Variants in COL2A1 observed in about 807,000 individuals in gnomAD.
The protein encoded by COL2A1 is collagen alpha-1(II) chain.
COL2A1 carries 28 observed loss-of-function variants against 204.5 expected under a neutral mutation model. The observed-to-expected ratio is 0.14, with a 90% CI of 0.10 to 0.19. The LOEUF is 0.19. Among genes scored for constraint, COL2A1 ranks in the 10% least tolerant of loss-of-function variants. The pLI is 1.00. For missense variants in COL2A1, 1,388 were observed against 2,027.5 expected, an observed-to-expected ratio of 0.68 and a Z score of 6.06; for synonymous variants, 708 against 718.7, an observed-to-expected ratio of 0.99 and a Z score of 0.24.
At position 47,976,619 on chromosome 12, in the gene COL2A1, T is replaced by C. The variant is rs369677029; in HGVS notation, c.3436-52A>G. 2 of 1,583,246 alleles carry C rather than the reference T, an allele frequency of 1.3e-6. No homozygotes were observed. Among genetic ancestry groups the C allele is most frequent in the African/African-American group, 1.3e-5 (1 of 74,262 alleles). On this transcript the variant is annotated intron_variant, in intron 48 of 53. Coordinates refer to ENST00000380518, the MANE Select transcript of COL2A1 (RefSeq NM_001844.5). This position sits in a 1 kb window ranked among gnomAD's most constrained non-coding sequence, Gnocchi z 4.3. ...CACGGTCAGCACAGACATATCTATC[T>C]ATATTCTGGGAGCTGGGGGAACAGC...
chr12:48,004,202 A>C (rs979575910), intron 1 of COL2A1, 35 bp downstream of exon 1: 1 of 1,446,528 alleles, frequency 6.9e-7, no homozygotes, highest in East Asian at 2.5e-5. Flanking sequence ...ACGCATGGAA[A>C]GCAGGCAGGC....
rs1938868907 is a variant in COL2A1, at chr12:47,978,679, G to A, written c.2813C>T (p.Pro938Leu). Reference sequence around the variant, plus strand: ...GAGGCCGGGTTCACCAGCTCGGCCAGGGGGGCCGCTGTCTCCTCGAGCACC... The same window carrying A: ...GAGGCCGGGTTCACCAGCTCGGCCAAGGGGGCCGCTGTCTCCTCGAGCACC... ...PKGARGDSGP[P>L]GRAGEPGLQG... The change falls in exon 42 of 54, where the codon CCT becomes CTT. Residue 938 changes from proline (P) to leucine (L), a missense_variant. Pro to Leu is a moderately conservative substitution (Grantham distance 98). Coordinates refer to ENST00000380518, the MANE Select transcript of COL2A1 (RefSeq NM_001844.5). The surrounding 1 kb of genome is among the most constrained non-coding windows in gnomAD (Gnocchi z 5.5). The A allele has an allele frequency of 6.2e-7, 1 of 1,613,148 alleles. No homozygotes were observed.
rs1938697832 is a variant in COL2A1 at position 47,976,175 on chromosome 12, C to CCCCAGT, written c.3490-111_3490-106dup. 1 of 831,856 alleles carries CCCCAGT rather than the reference C, an allele frequency of 1.2e-6. No individual in the cohort carries two copies. The highest frequency in any genetic ancestry group is 1.7e-5 in the African/African-American group (1 of 60,156). The allele number at this position is 831,856 out of a possible 1,614,324, so 51.5% of individuals were successfully genotyped here. A position where few individuals can be genotyped will look rare whatever the true frequency, so the allele number is the denominator to read the frequency against. On this transcript the variant is annotated intron_variant, in intron 49 of 53. Coordinates refer to ENST00000380518, the MANE Select transcript of COL2A1 (RefSeq NM_001844.5). This position sits in a 1 kb window ranked among gnomAD's most constrained non-coding sequence, Gnocchi z 4.3. ...GTCCTGATAGCACCAGCCACTCCGCCCCCAGTTCTTCACATGCTCAGTCAT... is the reference window on the plus strand; with the variant it reads ...GTCCTGATAGCACCAGCCACTCCGCCCCCAGTCCCAGTTCTTCACATGCTCAGTCAT...
intron 22 of COL2A1, 115 bp downstream of exon 22, chr12:47,986,720 G>T: frequency 8.2e-7 from 1 of 1,212,412 alleles, no homozygotes. Context: ...AATCTGAAAG[G>T]ACCCAGATTG....
At chr12:47,989,196 A>G in intron 18 of COL2A1, 32 bp downstream of exon 18, 1 of 1,596,086 alleles carries the variant, frequency 6.3e-7, no homozygotes, top group South Asian at 1.1e-5. Context: ...CTCGGCACCC[A>G]GAAGTTCCTG....
At position 47,976,087 on chromosome 12, in the gene COL2A1, T is replaced by A; in HGVS notation, c.3490-17A>T. On this transcript the variant is annotated splice_polypyrimidine_tract_variant and intron_variant, in intron 49 of 53. Coordinates refer to ENST00000380518, the MANE Select transcript of COL2A1 (RefSeq NM_001844.5). This position sits in a 1 kb window ranked among gnomAD's most constrained non-coding sequence, Gnocchi z 4.3. ...AGGAGGACCCTGCAAGAGAGAGAGG[T>A]CGTGAGGAAAGAGTGGTCACCACAG... 1.9e-6 allele frequency: 3 copies of A among 1,584,052 alleles called. No homozygotes were observed. Among genetic ancestry groups the A allele is most frequent in the Non-Finnish European group, 2.6e-6 (3 of 1,153,006 alleles).
In COL2A1 at chr12:47,982,615, G is replaced by A. The variant is rs750138621; in HGVS notation, c.2194-6C>T. 2.5e-6 allele frequency: 4 copies of A among 1,604,820 alleles called. No homozygotes were observed. Among genetic ancestry groups the A allele is most frequent in the African/African-American group, 2.7e-5 (2 of 74,702 alleles). On this transcript the variant is annotated splice_polypyrimidine_tract_variant and splice_region_variant and intron_variant, in intron 33 of 53. Coordinates refer to ENST00000380518, the MANE Select transcript of COL2A1 (RefSeq NM_001844.5). ...CCTGCTGGGCCAGATGCACCCTGGGGAGGGAGGTAAGAGGGAGTCTGTAGT... is the reference window on the plus strand; with the variant it reads ...CCTGCTGGGCCAGATGCACCCTGGGAAGGGAGGTAAGAGGGAGTCTGTAGT...
At chr12:47,995,636 A>C in intron 10 of COL2A1, 74 bp downstream of exon 10, 1 of 1,407,622 alleles carries the variant, frequency 7.1e-7, no homozygotes, top group Non-Finnish European at 1.0e-6. Context: ...CCTGGGAGGG[A>C]CAGCAGCTGC....
At position 47,995,233 on chromosome 12, in the gene COL2A1, T is replaced by C. The variant is rs749278307; in HGVS notation, c.762+22A>G. 1.1e-5 allele frequency: 17 copies of C among 1,607,640 alleles called. No individual in the cohort carries two copies. In the South Asian group the frequency reaches 1.9e-4, roughly 18 times the overall value. Reference sequence around the variant, plus strand: ...CCTTTCAAAGGAGGCAGCTCCTCATTTGTCTACTCGTGTATACTCACATCA... The same window carrying C: ...CCTTTCAAAGGAGGCAGCTCCTCATCTGTCTACTCGTGTATACTCACATCA... On this transcript the variant is annotated intron_variant, in intron 11 of 53. Transcript: ENST00000380518.
chr12:47,980,783 A>G lies in COL2A1; in HGVS notation c.2518-122T>C, dbSNP rs559995089. On this transcript the variant is annotated intron_variant, in intron 38 of 53. Transcript: ENST00000380518. The surrounding 1 kb of genome is among the most constrained non-coding windows in gnomAD (Gnocchi z 4.5). Reference sequence around the variant, plus strand: ...GTCCTGGTCTGGACATGATGGTTCTATTAGTATGGAGGCGGGAAAGGAGAG... The same window carrying G: ...GTCCTGGTCTGGACATGATGGTTCTGTTAGTATGGAGGCGGGAAAGGAGAG... 4 of 1,386,566 alleles carry G rather than the reference A, an allele frequency of 2.9e-6. No homozygotes were observed. The highest frequency in any genetic ancestry group is 2.9e-5 in the African/African-American group (2 of 69,826). 85.9% of individuals were successfully genotyped at this position (1,386,566 alleles called of 1,614,324 possible). A position where few individuals can be genotyped will look rare whatever the true frequency, so the allele number is the denominator to read the frequency against.
At chr12:47,977,916 G>A in intron 44 of COL2A1, 94 bp downstream of exon 44, 1 of 1,220,748 alleles carries the variant, frequency 8.2e-7, no homozygotes, top group East Asian at 2.5e-5. Flanking sequence ...CTTCTCCAGG[G>A]CCCTGACTGG....
intron 8 of COL2A1, 121 bp from the exon 9 acceptor site, chr12:47,996,040 G>T: frequency 1.3e-6 from 1 of 767,558 alleles, no homozygotes. Context: ...TGGGCAAGGG[G>T]CCTAGAGTGG....
In COL2A1 at chr12:47,980,769, G is replaced by T; in HGVS notation, c.2518-108C>A. On this transcript the variant is annotated intron_variant, in intron 38 of 53. Coordinates refer to ENST00000380518, the MANE Select transcript of COL2A1 (RefSeq NM_001844.5). This position sits in a 1 kb window ranked among gnomAD's most constrained non-coding sequence, Gnocchi z 4.5. Reference sequence around the variant, plus strand: ...GTATCTGCGTGTGTGTCCTGGTCTGGACATGATGGTTCTATTAGTATGGAG... The same window carrying T: ...GTATCTGCGTGTGTGTCCTGGTCTGTACATGATGGTTCTATTAGTATGGAG... 1.4e-6 allele frequency: 2 copies of T among 1,398,598 alleles called. No individual in the cohort carries two copies. The highest frequency in any genetic ancestry group is 1.2e-5 in the South Asian group (1 of 81,122). 86.6% of individuals were successfully genotyped at this position (1,398,598 alleles called of 1,614,324 possible). A position where few individuals can be genotyped will look rare whatever the true frequency, so the allele number is the denominator to read the frequency against.
chr12:47,994,277 G>T, intron 12 of COL2A1, 147 bp downstream of exon 12: 2 of 1,011,874 alleles, frequency 2.0e-6, no homozygotes, highest in Non-Finnish European at 3.1e-6. Flanking sequence ...AGCCTGAGTG[G>T]AAATTACAAA....
At chr12:47,983,640 G>C (rs751602641) in intron 30 of COL2A1, 43 bp downstream of exon 30, 12 of 1,573,712 alleles carry the variant, frequency 7.6e-6, no homozygotes, top group Non-Finnish European at 1.0e-5. Context: ...GGAGCCCTGG[G>C]TATGGCAAAG....
chr12:47,976,405 C>T lies in COL2A1; in HGVS notation c.3489+109G>A. On this transcript the variant is annotated intron_variant, in intron 49 of 53. Transcript: ENST00000380518. This position sits in a 1 kb window ranked among gnomAD's most constrained non-coding sequence, Gnocchi z 4.3. ...TCCTGCCCCCATTACTGAGTGAGGACCCCTGAGCCCACAGCTTCCCCAGAA... is the reference window on the plus strand; with the variant it reads ...TCCTGCCCCCATTACTGAGTGAGGATCCCTGAGCCCACAGCTTCCCCAGAA... 1 of 1,279,210 alleles carries T rather than the reference C, an allele frequency of 7.8e-7. No homozygotes were observed. The highest frequency in any genetic ancestry group is 1.1e-6 in the Non-Finnish European group (1 of 880,086). The allele number at this position is 1,279,210 out of a possible 1,614,324, so 79.2% of individuals were successfully genotyped here.
rs374570848 is a variant in COL2A1 at position 47,992,875 on chromosome 12, C to T, written c.1023+3G>A. 2.0e-5 allele frequency: 32 copies of T among 1,614,192 alleles called. No homozygotes were observed. The African/African-American group carries it at 3.9e-4, about 19-fold the overall frequency. ...GTGGTGTTTGGCTTTGTCAATTACT[C>T]ACCGCAGCGCCAGCAGGGCCAGTCC... On this transcript the variant is annotated splice_donor_region_variant and intron_variant, in intron 16 of 53. Transcript: ENST00000380518.
In COL2A1 at chr12:47,976,086, G is replaced by T; in HGVS notation, c.3490-16C>A. On this transcript the variant is annotated splice_polypyrimidine_tract_variant and intron_variant, in intron 49 of 53. Coordinates refer to ENST00000380518, the MANE Select transcript of COL2A1 (RefSeq NM_001844.5). This position sits in a 1 kb window ranked among gnomAD's most constrained non-coding sequence, Gnocchi z 4.3. The stretch of plus-strand genomic sequence containing the variant: ...CAGGAGGACCCTGCAAGAGAGAGAG[G>T]TCGTGAGGAAAGAGTGGTCACCACA... 1.3e-6 allele frequency: 2 copies of T among 1,584,910 alleles called. No homozygotes were observed. Among genetic ancestry groups the T allele is most frequent in the African/African-American group, 1.3e-5 (1 of 74,492 alleles).
intron 1 of COL2A1, among the ~76,000 whole-genome samples, chr12:48,002,177 T>G (rs192781200): frequency 6.6e-6 from 1 of 152,176 alleles, no homozygotes; most frequent in South Asian, 2.1e-4. Flanking sequence ...AAGCCATCGC[T>G]GCCAATCTCC....
Sources: gnomAD v4.1 joint callset for allele counts (sites outside exome capture counted in the v4.1 genomes callset) on GRCh38, gnomAD v4.1.1 for gene constraint, Gnocchi (gnomAD v3.1) non-coding constraint, MANE v1.5 for transcripts, NCBI Gene and HGNC (gene_info 2026-07-23, HGNC 2026-07-21) for gene names.